PTPRD: variants seen among roughly 807,000 people sequenced by gnomAD.
PTPRD encodes protein tyrosine phosphatase receptor type D.
Under a neutral mutation model 214.5 loss-of-function variants are expected in PTPRD, and 34 were observed. The ratio of observed to expected loss-of-function variants is 0.16; its 90% CI spans 0.12 to 0.21. PTPRD has a LOEUF of 0.21. Ranked by LOEUF, PTPRD falls within the 10% of genes least tolerant of loss-of-function variation. The pLI is 1.00. For missense variants in PTPRD, 2,545 were observed against 2,398.7 expected (o/e 1.06, Z -1.27); for synonymous variants, 1,128 against 845.7 (o/e 1.33, Z -5.79).
intron 9 of PTPRD, among the ~76,000 whole-genome samples, chr9:9,346,616 C>T (rs1368215289): frequency 6.6e-6 from 1 of 152,080 alleles, no homozygotes; most frequent in Admixed American, 6.6e-5. Context: ...ATAAAGCACT[C>T]TATAACTCTA....
intron 43 of PTPRD, 137 bp from the exon 44 acceptor site, chr9:8,331,873 G>A (rs957111756): frequency 9.9e-7 from 1 of 1,010,916 alleles, no homozygotes; most frequent in South Asian, 2.0e-5. Flanking sequence ...TGTTTAAATA[G>A]AAACTTAGTT....
intron 5 of PTPRD, among the ~76,000 whole-genome samples, chr9:9,893,057 G>C (rs1316383222): frequency 6.6e-6 from 1 of 152,030 alleles, no homozygotes; most frequent in South Asian, 2.1e-4. Context: ...GTAGGCAGTG[G>C]GAAGTAAGAG....
intron 8 of PTPRD, among the ~76,000 whole-genome samples, chr9:9,560,414 C>T (rs1184671062): frequency 5.9e-5 from 9 of 152,226 alleles, no homozygotes; most frequent in Admixed American, 5.9e-4. Flanking sequence ...AAATGCCTAT[C>T]CGACTTTGCT....
At chr9:8,694,047 T>C (rs1337400258) in intron 12 of PTPRD, among the ~76,000 whole-genome samples, 1 of 152,216 alleles carries the variant, frequency 6.6e-6, no homozygotes, top group African/African-American at 2.4e-5. Context: ...CTTGTACGTT[T>C]AAGTCTTCTT....
intron 5 of PTPRD, among the ~76,000 whole-genome samples, chr9:9,837,131 A>G (rs367719342): frequency 2.6e-5 from 4 of 152,258 alleles, no homozygotes; most frequent in South Asian, 4.1e-4. Context: ...CCCAATGTTT[A>G]GCCAATTTTT....
chr9:10,477,636 T>C (rs1394100556), intron 2 of PTPRD, among the ~76,000 whole-genome samples: 1 of 152,154 alleles, frequency 6.6e-6, no homozygotes, highest in Non-Finnish European at 1.5e-5. Context: ...ACTGGGTATA[T>C]ACCCAAAGGA....
At chr9:9,612,267 T>C (rs1266176234) in intron 7 of PTPRD, among the ~76,000 whole-genome samples, 1 of 152,176 alleles carries the variant, frequency 6.6e-6, no homozygotes, top group Non-Finnish European at 1.5e-5. Context: ...AAAGGTGGTC[T>C]TGACTGAGTT....
intron 11 of PTPRD, among the ~76,000 whole-genome samples, chr9:9,005,317 C>G (rs1460312209): frequency 6.6e-6 from 1 of 152,038 alleles, no homozygotes; most frequent in East Asian, 1.9e-4. Flanking sequence ...ACAGCAACCA[C>G]CTTGCCTGAA....
chr9:10,480,164 G>T (rs2132110788), intron 2 of PTPRD, among the ~76,000 whole-genome samples: 1 of 152,164 alleles, frequency 6.6e-6, no homozygotes, highest in South Asian at 2.1e-4. Context: ...CAACCCCATG[G>T]CAAGTGTGCC....
intron 2 of PTPRD, among the ~76,000 whole-genome samples, chr9:10,495,498 T>G (rs1166429697): frequency 6.6e-6 from 1 of 151,890 alleles, no homozygotes; most frequent in African/African-American, 2.4e-5. Flanking sequence ...TTGTTCTGCC[T>G]AGAATTATCC....
chr9:8,346,751 C>G (rs181692975), intron 39 of PTPRD, among the ~76,000 whole-genome samples: 13 of 152,212 alleles, frequency 8.5e-5, no homozygotes, highest in African/African-American at 3.1e-4. Flanking sequence ...CAAAAAGCAG[C>G]TGCAAAGTGC....
chr9:9,682,033 C>G (rs902564719), intron 7 of PTPRD, among the ~76,000 whole-genome samples: 3 of 151,776 alleles, frequency 2.0e-5, no homozygotes, highest in Non-Finnish European at 2.9e-5. Flanking sequence ...AATTGATGAG[C>G]CTGACAATCT....
intron 3 of PTPRD, among the ~76,000 whole-genome samples, chr9:10,083,768 G>A (rs1296554888): frequency 3.3e-5 from 5 of 151,874 alleles, no homozygotes; most frequent in African/African-American, 1.2e-4. Flanking sequence ...TTCTCATAAG[G>A]AGCACGCGAC....
chr9:8,636,547 C>T (rs1379391897), intron 13 of PTPRD, 152 bp downstream of exon 13: 1 of 1,043,098 alleles, frequency 9.6e-7, no homozygotes, highest in Non-Finnish European at 1.3e-6. Flanking sequence ...TTTAAAAAGC[C>T]ATTTAGAGTT....
intron 11 of PTPRD, among the ~76,000 whole-genome samples, chr9:8,748,282 C>T (rs7862702): frequency 0.67 from 102,304 of 151,598 alleles, 34,598 homozygotes; most frequent in South Asian, 0.74. Context: ...CCTTTAAACA[C>T]GGGGCTTGCA....
chr9:8,796,473 C>T (rs1489042868), intron 11 of PTPRD, among the ~76,000 whole-genome samples: 1 of 152,082 alleles, frequency 6.6e-6, no homozygotes, highest in Non-Finnish European at 1.5e-5. Context: ...ATTGCACAGC[C>T]TACAATACTT....
At chr9:8,801,752 G>T (rs1036690506) in intron 11 of PTPRD, among the ~76,000 whole-genome samples, 1 of 152,104 alleles carries the variant, frequency 6.6e-6, no homozygotes, top group African/African-American at 2.4e-5. Context: ...TTTTAAAAGT[G>T]TACAGGAGTG....
chr9:9,435,715 TATTA>T lies in PTPRD; in HGVS notation c.-236-38237_-236-38234del, dbSNP rs767925341. Reference sequence around the variant, plus strand: ...ATAAAATATGACTATAATAATTGAATATTAATTAATATTAATATTTGGTTTTCAA... The same window carrying T: ...ATAAAATATGACTATAATAATTGAATATTAATATTAATATTTGGTTTTCAA... On this transcript the variant is annotated intron_variant, in intron 8 of 45. Coordinates refer to ENST00000381196, the MANE Select transcript of PTPRD (RefSeq NM_002839.4). Among the ~76,000 whole-genome samples the T allele has an allele frequency of 2.1e-3, 313 of 152,246 alleles. 2 individuals carry two copies. The highest frequency in any genetic ancestry group is 7.1e-3 in the African/African-American group (294 of 41,540).
intron 9 of PTPRD, among the ~76,000 whole-genome samples, chr9:9,269,193 A>T (rs1214605342): frequency 2.6e-5 from 4 of 151,432 alleles, no homozygotes; most frequent in Non-Finnish European, 5.9e-5. Context: ...TATTTAAAAA[A>T]TTATCAAAGA....
Sources: allele counts gnomAD v4.1 joint callset (sites outside exome capture counted in the v4.1 genomes callset), GRCh38; gene constraint gnomAD v4.1.1; transcripts MANE v1.5; gene names NCBI Gene and HGNC (gene_info 2026-07-23, HGNC 2026-07-21).